RUNX3: variants seen among roughly 807,000 people sequenced by gnomAD.
RUNX3 encodes runt-related transcription factor 3.
A neutral mutation model predicts 27.7 loss-of-function variants in RUNX3; 10 were observed. The observed-to-expected ratio is 0.36, with a 90% CI of 0.22 to 0.61. The LOEUF is 0.61. Among genes scored for constraint, RUNX3 ranks in the 20% least tolerant of loss-of-function variants. The probability of loss-of-function intolerance (pLI) is 0.72; values close to 1 mark genes in which losing one functional copy is unlikely to be tolerated. For synonymous variants in RUNX3, 270 were observed against 269.2 expected (o/e 1.00, Z -0.03); for missense variants, 469 against 629.5 (o/e 0.75, Z 2.73).
At chr1:24,947,901 C>T (rs1468235624) in intron 2 of RUNX3, among the ~76,000 whole-genome samples, 1 of 152,220 alleles carries the variant, frequency 6.6e-6, no homozygotes, top group Non-Finnish European at 1.5e-5. Context: ...CTGTGTGCTT[C>T]CACCAGGTGA....
At chr1:24,919,515 C>G in intron 2 of RUNX3, 171 bp from the exon 3 acceptor site, 1 of 516,094 alleles carries the variant, frequency 1.9e-6, no homozygotes, top group South Asian at 2.3e-5. Context: ...AGCTCTTGGG[C>G]TTGGCATTCA....
chr1:24,903,895 C>A (rs570375218), intron 4 of RUNX3, among the ~76,000 whole-genome samples: 2 of 152,192 alleles, frequency 1.3e-5, no homozygotes, highest in Non-Finnish European at 2.9e-5. Flanking sequence ...AAACATGAGA[C>A]GATAACAGTT....
At chr1:24,934,702 G>A (rs1470892487), upstream of RUNX3, among the ~76,000 whole-genome samples, 2 of 152,156 alleles carry the variant, frequency 1.3e-5, no homozygotes, top group South Asian at 2.1e-4. Context: ...GGCCAGACCC[G>A]GGTTAAAAGT....
intron 2 of RUNX3, among the ~76,000 whole-genome samples, chr1:24,941,781 CG>C (rs1220092343): frequency 6.6e-6 from 1 of 152,126 alleles, no homozygotes; most frequent in Non-Finnish European, 1.5e-5. Context: ...CCTGAGTCCC[CG>C]CCTCCTTACA....
chr1:24,936,663 A>T (rs1242776710), intron 2 of RUNX3, among the ~76,000 whole-genome samples: 2 of 152,022 alleles, frequency 1.3e-5, no homozygotes, highest in Non-Finnish European at 2.9e-5. Flanking sequence ...CTGACTCCGC[A>T]CCTTCCTCTC....
rs1441964685 is a variant in RUNX3 at position 24,916,996 on chromosome 1, C to G, written c.544+2244G>C. ...AGGGAAGAGCAGGCAGGGGATTCTGCTGGAATCTCCCACAGGCAGGGCTGA... is the reference window on the plus strand; with the variant it reads ...AGGGAAGAGCAGGCAGGGGATTCTGGTGGAATCTCCCACAGGCAGGGCTGA... On this transcript the variant is annotated intron_variant, in intron 3 of 4. Coordinates refer to ENST00000308873, the MANE Select transcript of RUNX3 (RefSeq NM_004350.3). This position sits in a 1 kb window ranked among gnomAD's most constrained non-coding sequence, Gnocchi z 4.8. Among the ~76,000 whole-genome samples the G allele has an allele frequency of 6.6e-6, 1 of 152,196 alleles. No homozygotes were observed. Among genetic ancestry groups the G allele is most frequent in the Non-Finnish European group, 1.5e-5 (1 of 68,026 alleles).
At chr1:24,964,755 A>G (rs1375320209) in intron 1 of RUNX3, 1 of 1,421,544 alleles carries the variant, frequency 7.0e-7, no homozygotes, top group Non-Finnish European at 9.2e-7. Flanking sequence ...GCTACGAAAA[A>G]GAAAAAAGGA....
At chr1:24,949,279 G>A (rs1447841344) in intron 2 of RUNX3, among the ~76,000 whole-genome samples, 1 of 152,164 alleles carries the variant, frequency 6.6e-6, no homozygotes, top group Non-Finnish European at 1.5e-5. Context: ...CCCTCAGGGT[G>A]TAAGAAGCAG....
chr1:24,948,296 G>C (rs561948903), intron 2 of RUNX3, among the ~76,000 whole-genome samples: 3 of 152,356 alleles, frequency 2.0e-5, no homozygotes, highest in African/African-American at 7.2e-5. Context: ...TTCCTGAAAA[G>C]TCTGTGTCTG....
At chr1:24,909,888 C>A (rs1191005387) in intron 3 of RUNX3, among the ~76,000 whole-genome samples, 2 of 152,194 alleles carry the variant, frequency 1.3e-5, no homozygotes, top group Non-Finnish European at 2.9e-5. Context: ...GGTGGCCAGG[C>A]CCTCTTTTAC....
Position 24,901,019 on chromosome 1 carries a change from TTTTTTTTTGTTTTTTTG to T in RUNX3, c.*1086_*1102del, listed in dbSNP as rs1640532184. ...AAATCAGTTTTAAAAACTGTTTTGT[TTTTTTTTTGTTTTTTTG>T]TTTTTTTTTTTTTTTTGCTCAGGAC... is the stretch of plus-strand genomic sequence containing the variant. On this transcript the variant is annotated 3_prime_UTR_variant, in exon 5 of 5. Coordinates refer to ENST00000308873, the MANE Select transcript of RUNX3 (RefSeq NM_004350.3). 3 of 146,714 alleles carry T rather than the reference TTTTTTTTTGTTTTTTTG, an allele frequency of 2.0e-5. No individual in the cohort carries two copies. Among genetic ancestry groups the T allele is most frequent in the Non-Finnish European group, 4.4e-5 (3 of 67,710 alleles). The allele number at this position is 146,714 out of a possible 1,614,324, so 9.1% of individuals were successfully genotyped here.
At chr1:24,917,923 G>A (rs1640919078) in intron 3 of RUNX3, among the ~76,000 whole-genome samples, 1 of 152,176 alleles carries the variant, frequency 6.6e-6, no homozygotes, top group Admixed American at 6.5e-5. Flanking sequence ...ACTTGCCTAG[G>A]GTCATGAAGC....
intron 3 of RUNX3, among the ~76,000 whole-genome samples, chr1:24,909,043 C>G (rs1032943948): frequency 1.3e-5 from 2 of 152,154 alleles, no homozygotes; most frequent in Non-Finnish European, 2.9e-5. Flanking sequence ...TTTCCACTCC[C>G]TATCTGCCAG....
chr1:24,944,198 A>G (rs932944495), intron 2 of RUNX3, among the ~76,000 whole-genome samples: 4 of 152,052 alleles, frequency 2.6e-5, no homozygotes, highest in Admixed American at 2.6e-4. Flanking sequence ...GCCAGGCTTG[A>G]TGGGGTCTAC....
intron 3 of RUNX3, among the ~76,000 whole-genome samples, chr1:24,910,421 T>G (rs2124261272): frequency 6.6e-6 from 1 of 151,612 alleles, no homozygotes; most frequent in East Asian, 1.9e-4. Context: ...AGGTGGGAGG[T>G]AAAACAGAAC....
intron 3 of RUNX3, among the ~76,000 whole-genome samples, chr1:24,909,305 C>A (rs1389368026): frequency 6.6e-6 from 1 of 152,180 alleles, no homozygotes; most frequent in Non-Finnish European, 1.5e-5. Context: ...GCTCTAAGCT[C>A]CTCTCCAGAG....
chr1:24,955,551 G>T (rs1467943757), intron 2 of RUNX3, among the ~76,000 whole-genome samples: 1 of 152,210 alleles, frequency 6.6e-6, no homozygotes, highest in Non-Finnish European at 1.5e-5. Context: ...TAGGTAGGAA[G>T]GACCTAAGCC....
chr1:24,927,733 G>A lies in RUNX3; in HGVS notation c.283-3C>T, dbSNP rs199856161. 1.6e-4 allele frequency: 257 copies of A among 1,613,504 alleles called. No individual in the cohort carries two copies. In the Middle Eastern group the frequency reaches 5.1e-3, roughly 32 times the overall value. Reference sequence around the variant, plus strand: ...GGCACGTCCCCCAATGCCACCACCTGAAGACACGGGGCGGGGGGATGCAGG... The same window carrying A: ...GGCACGTCCCCCAATGCCACCACCTAAAGACACGGGGCGGGGGGATGCAGG... On this transcript the variant is annotated splice_polypyrimidine_tract_variant and splice_region_variant and intron_variant, in intron 1 of 4. Coordinates refer to ENST00000308873, the MANE Select transcript of RUNX3 (RefSeq NM_004350.3). This position sits in a 1 kb window ranked among gnomAD's most constrained non-coding sequence, Gnocchi z 5.0.
At chr1:24,928,226 AGT>A (rs757032049) in intron 1 of RUNX3, among the ~76,000 whole-genome samples, 22 of 152,368 alleles carry the variant, frequency 1.4e-4, no homozygotes, top group Non-Finnish European at 2.6e-4. Flanking sequence ...GACCAGGCCC[AGT>A]TTATTGGCCT....
Sources: allele counts gnomAD v4.1 joint callset (sites outside exome capture counted in the v4.1 genomes callset), GRCh38; gene constraint gnomAD v4.1.1; non-coding constraint Gnocchi (gnomAD v3.1); transcripts MANE v1.5; gene names NCBI Gene and HGNC (gene_info 2026-07-23, HGNC 2026-07-21).